SORBS2: variants seen among roughly 807,000 people sequenced by gnomAD.
SORBS2 encodes the protein sorbin and SH3 domain containing 2, also known as sorbin and SH3 domain-containing protein 2.
A neutral mutation model predicts 97.7 loss-of-function variants in SORBS2; 46 were observed. The observed-to-expected ratio is 0.47, with a 90% CI of 0.37 to 0.60. SORBS2 has a LOEUF of 0.60. SORBS2 is among the 20% of genes least tolerant of loss of function. The pLI is 0.00. For missense variants in SORBS2, 1,316 were observed against 1,282.3 expected, an observed-to-expected ratio of 1.03 and a Z score of -0.40; for synonymous variants, 476 against 473.4, an observed-to-expected ratio of 1.01 and a Z score of -0.07.
intron 2 of SORBS2, among the ~76,000 whole-genome samples, chr4:185,689,360 T>G (rs2098044323): frequency 6.6e-6 from 1 of 152,232 alleles, no homozygotes; most frequent in South Asian, 2.1e-4. Flanking sequence ...AGTCCAGCTG[T>G]GGGCTCTACA....
chr4:185,792,872 C>A (rs2099087342), intron 1 of SORBS2, among the ~76,000 whole-genome samples: 1 of 152,172 alleles, frequency 6.6e-6, no homozygotes, highest in South Asian at 2.1e-4. Context: ...TGGAATGTGG[C>A]CGACTCAAGC....
intron 4 of SORBS2, among the ~76,000 whole-genome samples, chr4:185,634,824 A>G: frequency 6.6e-6 from 1 of 152,192 alleles, no homozygotes; most frequent in Non-Finnish European, 1.5e-5. Flanking sequence ...CATGGGTATG[A>G]AACTGGGAAG....
At chr4:185,713,473 A>G (rs11733264) in intron 2 of SORBS2, among the ~76,000 whole-genome samples, 118,333 of 152,172 alleles carry the variant, frequency 0.78, 47,340 homozygotes, top group Non-Finnish European at 0.89. Context: ...CATCAGGAGA[A>G]CGTGATTCAG....
At chr4:185,910,954 ATT>A (rs66528510) in intron 1 of SORBS2, among the ~76,000 whole-genome samples, 192 of 140,226 alleles carry the variant, frequency 1.4e-3, no homozygotes, top group East Asian at 1.5e-3. Flanking sequence ...GCGGTGTTTG[ATT>A]TTTTAAAAAA....
intron 4 of SORBS2, among the ~76,000 whole-genome samples, chr4:185,644,564 C>G (rs576264664): frequency 1.3e-5 from 2 of 152,182 alleles, no homozygotes; most frequent in Non-Finnish European, 2.9e-5. Flanking sequence ...GGGCTCAACT[C>G]CTAGTTCTGG....
At chr4:185,940,966 C>T (rs2099271688) in intron 1 of SORBS2, among the ~76,000 whole-genome samples, 1 of 152,092 alleles carries the variant, frequency 6.6e-6, no homozygotes, top group East Asian at 1.9e-4. Flanking sequence ...TTGCTACTGG[C>T]ATCTAGTGAG....
chr4:185,790,200 G>GA (rs979338112), intron 1 of SORBS2, among the ~76,000 whole-genome samples: 1 of 151,620 alleles, frequency 6.6e-6, no homozygotes, highest in African/African-American at 2.4e-5. Flanking sequence ...CATTTGCTAT[G>GA]AAAAAAAATT....
At chr4:185,628,715 C>T (rs1211236956) in intron 5 of SORBS2, among the ~76,000 whole-genome samples, 2 of 152,202 alleles carry the variant, frequency 1.3e-5, no homozygotes, top group Non-Finnish European at 2.9e-5. Context: ...CACCACTGCA[C>T]TCCAGCTTGG....
upstream of SORBS2, chr4:185,657,667 T>C: frequency 7.3e-7 from 1 of 1,375,412 alleles, no homozygotes; most frequent in Non-Finnish European, 1.0e-6. Flanking sequence ...TGTCTTGTTG[T>C]ATATTTATGC....
intron 2 of SORBS2, among the ~76,000 whole-genome samples, chr4:185,714,411 C>T (rs535364351): frequency 9.2e-5 from 14 of 152,100 alleles, no homozygotes; most frequent in Admixed American, 4.6e-4. Context: ...AGAATAATGG[C>T]AGATGTAATG....
Position 185,837,836 on chromosome 4 carries a change from C to T in SORBS2, c.-337-62470G>A, listed in dbSNP as rs72705737. Among the ~76,000 whole-genome samples the T allele has an allele frequency of 9.0e-3, 1,345 of 149,052 alleles. 12 individuals carry two copies. The highest frequency in any genetic ancestry group is 0.032 in the Middle Eastern group (9 of 280). On this transcript the variant is annotated intron_variant, in intron 1 of 20. Transcript: ENST00000284776. ...CAGACTATCCCCAAAGGCATAATTT[C>T]TTTAATAGAAAAAAAAAAAACCCAC...
At chr4:185,765,013 C>G (rs1374472790) in intron 2 of SORBS2, among the ~76,000 whole-genome samples, 1 of 152,012 alleles carries the variant, frequency 6.6e-6, no homozygotes, top group Admixed American at 6.6e-5. Context: ...GAGTTTTTAT[C>G]TTGAAAGCCT....
At chr4:185,670,371 G>A (rs1372903085) in intron 4 of SORBS2, among the ~76,000 whole-genome samples, 1 of 152,110 alleles carries the variant, frequency 6.6e-6, no homozygotes, top group African/African-American at 2.4e-5. Flanking sequence ...TATGAAAACA[G>A]GTATAAGGAA....
chr4:185,690,483 G>T, intron 2 of SORBS2, 79 bp downstream of exon 4: 2 of 816,440 alleles, frequency 2.4e-6, no homozygotes, highest in East Asian at 2.7e-5. Context: ...GATCAGAAGA[G>T]TGCTAAACTA....
At chr4:185,688,673 T>C (rs2098028974) in intron 2 of SORBS2, among the ~76,000 whole-genome samples, 1 of 152,182 alleles carries the variant, frequency 6.6e-6, no homozygotes, top group South Asian at 2.1e-4. Flanking sequence ...ATTGACTAGC[T>C]CTTTAGGAAC....
chr4:185,589,069 T>G (rs2095860076), intron 14 of SORBS2: 1 of 152,496 alleles, frequency 6.6e-6, no homozygotes, highest in African/African-American at 2.4e-5. Context: ...AGCCTGTGTT[T>G]CCTTTTCACC....
chr4:185,634,920 A>G (rs2096969064), intron 4 of SORBS2, among the ~76,000 whole-genome samples: 1 of 152,212 alleles, frequency 6.6e-6, no homozygotes, highest in African/African-American at 2.4e-5. Flanking sequence ...AAATGAAAGA[A>G]CAAAAATAAA....
At chr4:185,763,728 G>T (rs1258495816) in intron 2 of SORBS2, among the ~76,000 whole-genome samples, 1 of 152,070 alleles carries the variant, frequency 6.6e-6, no homozygotes, top group African/African-American at 2.4e-5. Flanking sequence ...TGAATTTAAT[G>T]ATTTAAAATT....
intron 1 of SORBS2, among the ~76,000 whole-genome samples, chr4:185,835,745 C>A (rs1436205535): frequency 6.7e-6 from 1 of 149,020 alleles, no homozygotes; most frequent in Non-Finnish European, 1.5e-5. Context: ...CTCTCAGCAA[C>A]CAACATGATG....
Sources: allele counts gnomAD v4.1 joint callset (sites outside exome capture counted in the v4.1 genomes callset), GRCh38; gene constraint gnomAD v4.1.1; transcripts MANE v1.5; gene names NCBI Gene and HGNC (gene_info 2026-07-23, HGNC 2026-07-21).